KIF4B: variants seen among roughly 807,000 people sequenced by gnomAD.
KIF4B encodes the protein kinesin family member 4B.
KIF4B carries 60 observed loss-of-function variants against 69.0 expected under a neutral mutation model. The observed-to-expected ratio is 0.87, with a 90% CI of 0.71 to 1.08. The LOEUF (loss-of-function observed/expected upper bound fraction) is 1.08, where lower values mean the gene tolerates loss of function less well. Among genes scored for constraint, KIF4B ranks in the 50% least tolerant of loss-of-function variants. The pLI, the probability that KIF4B is intolerant of heterozygous loss-of-function variation, is 0.00. For missense variants in KIF4B, 1,357 were observed against 1,451.9 expected, an observed-to-expected ratio of 0.93 and a Z score of 1.06; for synonymous variants, 489 against 533.0, an observed-to-expected ratio of 0.92 and a Z score of 1.14.
chr5:155,014,074 T>C lies in KIF4B; in HGVS notation c.215T>C (p.Leu72Pro), dbSNP rs756086932. The C allele has an allele frequency of 6.2e-7, 1 of 1,614,168 alleles. No homozygotes were observed. The highest frequency in any genetic ancestry group is 8.5e-7 in the Non-Finnish European group (1 of 1,180,044). Reference sequence around the variant, plus strand: ...GTCTTCAATAAAGCAGTAGCGCCGCTCATAAAAGGCATATTTAAAGGATAT... The same window carrying C: ...GTCTTCAATAAAGCAGTAGCGCCGCCCATAAAAGGCATATTTAAAGGATAT... The part of the protein sequence containing the change: ...EEVFNKAVAP[L>P]IKGIFKGYNA... Residue 72 changes from leucine (L) to proline (P), a missense_variant, in exon 1 of 1, where the codon CTC (leucine) becomes CCC (proline). By Grantham distance (98) the Leu-to-Pro change is moderately conservative. Transcript: ENST00000435029.
Position 155,015,810 on chromosome 5 carries a change from A to G in KIF4B, c.1951A>G (p.Met651Val). Residue 651 changes from methionine (M) to valine (V), a missense_variant, in exon 1 of 1, where the codon ATG becomes GTG. Transcript: ENST00000435029. ...GATGAAAAACCAGCGGGTACAGTTA[A>G]TGCGTCAAATGAAAGAGGATGCTGA... The part of the protein sequence containing the change: ...WMMKNQRVQL[M>V]RQMKEDAEKF... The G allele has an allele frequency of 6.2e-7, 1 of 1,614,238 alleles. No individual in the cohort carries two copies. The highest frequency in any genetic ancestry group is 8.5e-7 in the Non-Finnish European group (1 of 1,180,040).
Position 155,017,255 on chromosome 5 carries a change from T to A in KIF4B, c.3396T>A (p.Val1132=). The A allele has an allele frequency of 6.2e-7, 1 of 1,614,166 alleles. No individual in the cohort carries two copies. Among genetic ancestry groups the A allele is most frequent in the Non-Finnish European group, 8.5e-7 (1 of 1,180,028 alleles). ...AAGGCAAGGATAGCTTGGGCACTGTTGAACAGACCCAGGATTCCGAAGGCT... is the reference window on the plus strand; with the variant it reads ...AAGGCAAGGATAGCTTGGGCACTGTAGAACAGACCCAGGATTCCGAAGGCT... ...RQQGKDSLGT[V]EQTQDSEGSF... The change falls in exon 1 of 1, where the codon GTT becomes GTA. Residue 1132 remains valine, a synonymous_variant. Transcript: ENST00000435029.
At position 155,017,443 on chromosome 5, in the gene KIF4B, C is replaced by G. The variant is rs1415310652; in HGVS notation, c.3584C>G (p.Ser1195Trp). 6.2e-7 allele frequency: 1 copy of G among 1,614,062 alleles called. No individual in the cohort carries two copies. The highest frequency in any genetic ancestry group is 8.5e-7 in the Non-Finnish European group (1 of 1,180,022). The change falls in exon 1 of 1, where the codon TCG becomes TGG. Residue 1195 changes from serine to tryptophan, a missense_variant. Ser to Trp is a radical substitution (Grantham distance 177). Transcript: ENST00000435029. The stretch of plus-strand genomic sequence containing the variant: ...CCCTCCCCTTTTGACCTCCCAGAGT[C>G]GAAACATGGAGCAACAGAATACCAA... ...PAPSPFDLPE[S>W]KHGATEYQQN...
rs1158523860 is a variant in KIF4B, at chr5:155,015,395, C to T, written c.1536C>T (p.Thr512=). ...CAAGCAGGTCTTCTGACGCTTTTAC[C>T]ACTCAGCATGCTCTCCATCAAGCTC... is the stretch of plus-strand genomic sequence containing the variant. The part of the protein sequence containing the change: ...PETSRSSDAF[T]TQHALHQAQM... Residue 512 remains threonine (T), a synonymous_variant, in exon 1 of 1, where the codon ACC becomes ACT. Transcript: ENST00000435029. 2.5e-6 allele frequency: 4 copies of T among 1,614,186 alleles called. No homozygotes were observed. Among genetic ancestry groups the T allele is most frequent in the Non-Finnish European group, 3.4e-6 (4 of 1,180,034 alleles).
chr5:155,016,717 G>A lies in KIF4B; in HGVS notation c.2858G>A (p.Ser953Asn), dbSNP rs781158962. The stretch of plus-strand genomic sequence containing the variant: ...GAGAAGCAGTTAGAGAAATCAGCCA[G>A]TGAAAAGGAACAACAGCTGGTGAGC... ...MAEKQLEKSASEKEQQLVSTL... is the reference protein window; with the variant it reads ...MAEKQLEKSANEKEQQLVSTL... Residue 953 changes from serine to asparagine, a missense_variant, in exon 1 of 1, where the codon AGT becomes AAT. Physicochemically the swap from Ser to Asn is conservative, Grantham distance 46. Transcript: ENST00000435029. The A allele has an allele frequency of 6.2e-7, 1 of 1,614,228 alleles. No individual in the cohort carries two copies. The highest frequency in any genetic ancestry group is 8.5e-7 in the Non-Finnish European group (1 of 1,180,052).
In KIF4B at chr5:155,016,404, A is replaced by G. The variant is rs1765333283; in HGVS notation, c.2545A>G (p.Arg849Gly). The G allele has an allele frequency of 6.2e-7, 1 of 1,614,102 alleles. No homozygotes were observed. Among genetic ancestry groups the G allele is most frequent in the African/African-American group, 1.3e-5 (1 of 74,950 alleles). ...GCTGCTGGATGCAGAAAGTGAAGAT[A>G]GGCCAAAACAATGCTGGGAGAATAT... Reference protein sequence around the residue: ...QKLLDAESEDRPKQCWENIAT... With the variant: ...QKLLDAESEDGPKQCWENIAT... Residue 849 changes from arginine to glycine, a missense_variant, in exon 1 of 1, where the codon AGG becomes GGG. Arg to Gly is a moderately radical substitution (Grantham distance 125). Transcript: ENST00000435029.
Position 155,017,707 on chromosome 5 carries a change from TA to T in KIF4B, c.*145del, listed in dbSNP as rs780002954. The T allele has an allele frequency of 1.4e-6, 2 of 1,395,808 alleles. No individual in the cohort carries two copies. The highest frequency in any genetic ancestry group is 1.6e-5 in the South Asian group (1 of 64,248). 86.5% of individuals were successfully genotyped at this position (1,395,808 alleles called of 1,614,324 possible). A position where few individuals can be genotyped will look rare whatever the true frequency, so the allele number is the denominator to read the frequency against. ...GAACAAAGCATTACTAAAAAGAAGG[TA>T]ACCTTTGTTGGATGTTGTCCCTCAG... On this transcript the variant is annotated 3_prime_UTR_variant, in exon 1 of 1. Transcript: ENST00000435029.
In KIF4B at chr5:155,017,045, C is replaced by T. The variant is rs766623750; in HGVS notation, c.3186C>T (p.Gly1062=). ...AGCATGAAGATGGTGATGGTGATGG[C>T]GACAGTGATGAGGGGGATGATGAGG... The part of the protein sequence containing the change: ...VNEHEDGDGD[G]DSDEGDDEEW... Residue 1062 remains glycine, a synonymous_variant, in exon 1 of 1, where the codon GGC becomes GGT. Coordinates refer to ENST00000435029, the MANE Select transcript of KIF4B (RefSeq NM_001099293.3). The T allele has an allele frequency of 1.4e-5, 22 of 1,613,900 alleles. No homozygotes were observed. The Middle Eastern group carries it at 4.9e-4, about 36-fold the overall frequency.
In KIF4B at chr5:155,016,771, A is replaced by G. The variant is rs1449594233; in HGVS notation, c.2912A>G (p.Glu971Gly). The change falls in exon 1 of 1, where the codon GAG becomes GGG. Residue 971 changes from glutamate (E) to glycine (G), a missense_variant. Coordinates refer to ENST00000435029, the MANE Select transcript of KIF4B (RefSeq NM_001099293.3). ...STLQCQDEEL[E>G]KMREVCEQNQ... ...CTGCAGTGTCAGGATGAAGAACTTG[A>G]GAAGATGCGAGAAGTGTGTGAGCAA... 6.2e-7 allele frequency: 1 copy of G among 1,614,054 alleles called. No individual in the cohort carries two copies. Among genetic ancestry groups the G allele is most frequent in the Non-Finnish European group, 8.5e-7 (1 of 1,180,052 alleles).
In KIF4B at chr5:155,013,874, G is replaced by C; in HGVS notation, c.15G>C (p.Val5=). ...GAGATAGGATCATGAAGGAAGAGGT[G>C]AAGGGAATTCCTGTAAGAGTGGCAC... is the stretch of plus-strand genomic sequence containing the variant. MKEE[V]KGIPVRVALR... Residue 5 remains valine, a synonymous_variant, in exon 1 of 1, where the codon GTG becomes GTC. Transcript: ENST00000435029. 6.2e-7 allele frequency: 1 copy of C among 1,613,534 alleles called. No individual in the cohort carries two copies. Among genetic ancestry groups the C allele is most frequent in the Non-Finnish European group, 8.5e-7 (1 of 1,180,038 alleles).
chr5:155,015,818 A>C lies in KIF4B; in HGVS notation c.1959A>C (p.Gln653His). ...ACCAGCGGGTACAGTTAATGCGTCA[A>C]ATGAAAGAGGATGCTGAGAAGTTTA... ...MKNQRVQLMR[Q>H]MKEDAEKFRQ... is the part of the protein sequence containing the mutation. Residue 653 changes from glutamine to histidine, a missense_variant, in exon 1 of 1, where the codon CAA becomes CAC. Physicochemically the swap from Gln to His is conservative, Grantham distance 24 (BLOSUM62 0). Coordinates refer to ENST00000435029, the MANE Select transcript of KIF4B (RefSeq NM_001099293.3). 1 of 1,614,262 alleles carries C rather than the reference A, an allele frequency of 6.2e-7. No homozygotes were observed. The highest frequency in any genetic ancestry group is 8.5e-7 in the Non-Finnish European group (1 of 1,180,044).
Position 155,015,201 on chromosome 5 carries a change from C to G in KIF4B, c.1342C>G (p.Gln448Glu), listed in dbSNP as rs375174804. Reference sequence around the variant, plus strand: ...GCATGTGGCCTGCAAGCTGGATCTTCAAAAGCTAGTGGAGACTTTGGAAGA... The same window carrying G: ...GCATGTGGCCTGCAAGCTGGATCTTGAAAAGCTAGTGGAGACTTTGGAAGA... Reference protein sequence around the residue: ...RQHVACKLDLQKLVETLEDQE... With the variant: ...RQHVACKLDLEKLVETLEDQE... Residue 448 changes from glutamine (Q) to glutamate (E), a missense_variant, in exon 1 of 1, where the codon CAA (glutamine) becomes GAA (glutamate). Physicochemically the swap from Gln to Glu is conservative, Grantham distance 29. Transcript: ENST00000435029. 2.0e-5 allele frequency: 33 copies of G among 1,614,048 alleles called. No homozygotes were observed. The African/African-American group carries it at 4.1e-4, about 20-fold the overall frequency.
rs1765337175 is a variant in KIF4B, at chr5:155,016,627, T to C, written c.2768T>C (p.Met923Thr). ...ETELQAELVR[M>T]EQQHQEKVLY... ...GAGTTACAAGCTGAGCTGGTCAGAA[T>C]GGAGCAACAGCACCAAGAGAAGGTG... The change falls in exon 1 of 1, where the codon ATG (methionine) becomes ACG (threonine). Residue 923 changes from methionine (M) to threonine (T), a missense_variant. By Grantham distance (81) the Met-to-Thr change is moderately conservative (BLOSUM62 -1). Coordinates refer to ENST00000435029, the MANE Select transcript of KIF4B (RefSeq NM_001099293.3). 7 of 1,614,202 alleles carry C rather than the reference T, an allele frequency of 4.3e-6. No homozygotes were observed. Among genetic ancestry groups the C allele is most frequent in the Middle Eastern group, 1.6e-4 (1 of 6,062 alleles).
In KIF4B at chr5:155,016,487, C is replaced by T. The variant is rs920890883; in HGVS notation, c.2628C>T (p.Ser876=). Residue 876 remains serine (S), a synonymous_variant, in exon 1 of 1, where the codon TCC becomes TCT. Coordinates refer to ENST00000435029, the MANE Select transcript of KIF4B (RefSeq NM_001099293.3). ...AATATTTGATTGGAGAGCTGGTCTC[C>T]TCCAAAATACATGTCACCAAACTTG... The part of the protein sequence containing the change: ...ALKYLIGELV[S]SKIHVTKLEN... 1 of 1,614,060 alleles carries T rather than the reference C, an allele frequency of 6.2e-7. No homozygotes were observed. Among genetic ancestry groups the T allele is most frequent in the Non-Finnish European group, 8.5e-7 (1 of 1,180,016 alleles).
Position 155,017,141 on chromosome 5 carries a change from T to C in KIF4B, c.3282T>C (p.Cys1094=). Residue 1094 remains cysteine, a synonymous_variant, in exon 1 of 1, where the codon TGT becomes TGC. Coordinates refer to ENST00000435029, the MANE Select transcript of KIF4B (RefSeq NM_001099293.3). Reference sequence around the variant, plus strand: ...AAGGGTGTTCCTGCAAGGGCTGGTGTGGGAACAAGCAGTGTGGGTGCAGGA... The same window carrying C: ...AAGGGTGTTCCTGCAAGGGCTGGTGCGGGAACAAGCAGTGTGGGTGCAGGA... ...NIQGCSCKGW[C]GNKQCGCRKQ... is the part of the protein sequence containing the mutation. The C allele has an allele frequency of 6.2e-7, 1 of 1,614,036 alleles. No homozygotes were observed. Among genetic ancestry groups the C allele is most frequent in the Non-Finnish European group, 8.5e-7 (1 of 1,180,022 alleles).
chr5:155,014,561 C>A lies in KIF4B; in HGVS notation c.702C>A (p.Ser234=). The change falls in exon 1 of 1, where the codon TCC becomes TCA. Residue 234 remains serine, a synonymous_variant. Coordinates refer to ENST00000435029, the MANE Select transcript of KIF4B (RefSeq NM_001099293.3). ...GTGACAAGAATTGCAGCTTTCGCTC[C>A]AAGCTGCATCTTGTAGATCTCGCTG... is the stretch of plus-strand genomic sequence containing the variant. ...KKSDKNCSFR[S]KLHLVDLAGS... The A allele has an allele frequency of 6.2e-7, 1 of 1,614,094 alleles. No individual in the cohort carries two copies. Among genetic ancestry groups the A allele is most frequent in the Non-Finnish European group, 8.5e-7 (1 of 1,179,988 alleles).
rs185657796 is a variant in KIF4B, at chr5:155,016,476, G to A, written c.2617G>A (p.Glu873Lys). 243 of 1,614,196 alleles carry A rather than the reference G, an allele frequency of 1.5e-4. 1 individual carries two copies. The East Asian group carries it at 5.3e-3, about 35-fold the overall frequency. ...GTGTGCCCTGAAATATTTGATTGGA[G>A]AGCTGGTCTCCTCCAAAATACATGT... ...AKCALKYLIGELVSSKIHVTK... is the reference protein window; with the variant it reads ...AKCALKYLIGKLVSSKIHVTK... The change falls in exon 1 of 1, where the codon GAG becomes AAG. Residue 873 changes from glutamate (E) to lysine (K), a missense_variant. Glu to Lys is a moderately conservative substitution (Grantham distance 56, BLOSUM62 1). Transcript: ENST00000435029.
rs760859251 is a variant in KIF4B, at chr5:155,017,273, C to T, written c.3414C>T (p.Ser1138=). ...GCACTGTTGAACAGACCCAGGATTC[C>T]GAAGGCTCCTTCAAACTGGAGGATC... ...SLGTVEQTQD[S]EGSFKLEDPT... Residue 1138 remains serine (S), a synonymous_variant, in exon 1 of 1, where the codon TCC becomes TCT. Transcript: ENST00000435029. 15 of 1,614,048 alleles carry T rather than the reference C, an allele frequency of 9.3e-6. No homozygotes were observed. In the Admixed American group the frequency reaches 1.0e-4, roughly 11 times the overall value.
Position 155,013,768 on chromosome 5 carries a change from G to A in KIF4B, c.-92G>A. 6.4e-7 allele frequency: 1 copy of A among 1,556,808 alleles called. No individual in the cohort carries two copies. The highest frequency in any genetic ancestry group is 1.8e-5 in the Admixed American group (1 of 55,186). ...TGTCTCTGGGAGGGATTTGAAACTT[G>A]GCGGTTAAAGCTCCGGCTGGGACAG... On this transcript the variant is annotated 5_prime_UTR_variant, in exon 1 of 1. Transcript: ENST00000435029.
Sources: gnomAD v4.1 joint callset for allele counts on GRCh38, gnomAD v4.1.1 for gene constraint, MANE v1.5 for transcripts, NCBI Gene and HGNC (gene_info 2026-07-23, HGNC 2026-07-21) for gene names.